GRB2: variants seen among roughly 807,000 people sequenced by gnomAD.
GRB2 encodes the protein growth factor receptor-bound protein 2.
In GRB2, 2 loss-of-function variants were observed where a neutral mutation model predicts 27.4. That is an observed-to-expected ratio of 0.07 (90% confidence interval 0.03 to 0.23). GRB2 has a LOEUF of 0.23. GRB2 is among the 10% of genes least tolerant of loss of function. The pLI, the probability that GRB2 is intolerant of heterozygous loss-of-function variation, is 1.00. For synonymous variants in GRB2, 94 were observed against 99.6 expected, an observed-to-expected ratio of 0.94 and a Z score of 0.33; for missense variants, 102 against 282.4, an observed-to-expected ratio of 0.36 and a Z score of 4.58.
chr17:75,357,047 C>T (rs1328594629), intron 2 of GRB2, among the ~76,000 whole-genome samples: 2 of 152,126 alleles, frequency 1.3e-5, no homozygotes, highest in East Asian at 1.9e-4. Context: ...TCATTCTGAT[C>T]CAGCCCTATC....
At chr17:75,388,373 G>A (rs982918453) in intron 2 of GRB2, among the ~76,000 whole-genome samples, 1 of 151,954 alleles carries the variant, frequency 6.6e-6, no homozygotes, top group South Asian at 2.1e-4. Context: ...CAAAGTGTTG[G>A]GATTCAGGCG....
At chr17:75,352,371 G>A (rs1216405388) in intron 2 of GRB2, among the ~76,000 whole-genome samples, 1 of 152,252 alleles carries the variant, frequency 6.6e-6, no homozygotes, top group Non-Finnish European at 1.5e-5. Flanking sequence ...AGAGAAGAGA[G>A]GGACTAAGAC....
At chr17:75,338,810 T>A in intron 2 of GRB2, 1 of 749,072 alleles carries the variant, frequency 1.3e-6, no homozygotes, top group Non-Finnish European at 2.4e-6. Flanking sequence ...CTTTCTGTGC[T>A]GATAGCACTC....
intron 2 of GRB2, among the ~76,000 whole-genome samples, chr17:75,340,964 A>G (rs996198391): frequency 2.0e-5 from 3 of 152,202 alleles, no homozygotes; most frequent in African/African-American, 7.2e-5. Context: ...CACAGAGAGA[A>G]CAGTTCTCAC....
intron 2 of GRB2, among the ~76,000 whole-genome samples, chr17:75,335,909 G>A (rs935942451): frequency 1.3e-5 from 2 of 152,128 alleles, no homozygotes; most frequent in African/African-American, 4.8e-5. Flanking sequence ...TAAAAACACT[G>A]CATTGTGCTG....
At chr17:75,389,113 TA>T (rs935432457) in intron 2 of GRB2, among the ~76,000 whole-genome samples, 1 of 152,142 alleles carries the variant, frequency 6.6e-6, no homozygotes, top group Non-Finnish European at 1.5e-5. Context: ...TCTTCATCGC[TA>T]AAAACCTTCC....
chr17:75,353,117 G>A (rs1487654888), intron 2 of GRB2, among the ~76,000 whole-genome samples: 2 of 150,856 alleles, frequency 1.3e-5, no homozygotes, highest in African/African-American at 4.9e-5. Context: ...CCCGGGAGGC[G>A]GAGCTTGCAG....
intron 2 of GRB2, among the ~76,000 whole-genome samples, chr17:75,389,706 C>T (rs1179289830): frequency 6.6e-6 from 1 of 152,010 alleles, no homozygotes; most frequent in African/African-American, 2.4e-5. Flanking sequence ...ATTAGCCGGG[C>T]GTGCTGGTGG....
At chr17:75,387,335 T>C (rs916906768) in intron 2 of GRB2, among the ~76,000 whole-genome samples, 1 of 151,690 alleles carries the variant, frequency 6.6e-6, no homozygotes, top group Non-Finnish European at 1.5e-5. Flanking sequence ...CACGTGCCTG[T>C]AGTCCCAGCT....
intron 1 of GRB2, chr17:75,394,214 G>C (rs2079016866): frequency 1.3e-5 from 2 of 154,548 alleles, no homozygotes. Context: ...ATCCTTTCTG[G>C]TCTTCTGAGA....
intron 1 of GRB2, chr17:75,405,192 C>G (rs2079091453): frequency 6.6e-6 from 1 of 152,330 alleles, no homozygotes; most frequent in African/African-American, 2.4e-5. Flanking sequence ...CTGGGCTTCC[C>G]GGGCCCCTTC....
chr17:75,400,156 C>T (rs1291610509), intron 1 of GRB2, among the ~76,000 whole-genome samples: 2 of 152,024 alleles, frequency 1.3e-5, no homozygotes, highest in Non-Finnish European at 1.5e-5. Context: ...TGCCACCACA[C>T]CTGGCTAATT....
intron 2 of GRB2, among the ~76,000 whole-genome samples, chr17:75,338,297 TC>T (rs1477623395): frequency 2.6e-5 from 4 of 151,872 alleles, no homozygotes; most frequent in African/African-American, 9.7e-5. Flanking sequence ...ACTCCTGGCC[TC>T]AGGTGATCTG....
chr17:75,355,818 T>TC (rs975947011), intron 2 of GRB2, among the ~76,000 whole-genome samples: 12 of 122,366 alleles, frequency 9.8e-5, no homozygotes, highest in African/African-American at 3.0e-4. Context: ...CCTTTCTTCT[T>TC]TTTTTTTTTT....
chr17:75,323,851 C>T (rs1184092804), intron 4 of GRB2, among the ~76,000 whole-genome samples: 1 of 151,616 alleles, frequency 6.6e-6, no homozygotes, highest in Non-Finnish European at 1.5e-5. Context: ...GCTCTTTCAC[C>T]CAGGCTGGAA....
At chr17:75,339,279 C>T (rs1490610808) in intron 2 of GRB2, 4 of 556,576 alleles carry the variant, frequency 7.2e-6, no homozygotes, top group African/African-American at 1.9e-5. Context: ...CTGCAAGCTC[C>T]GCCTCCTGGG....
At chr17:75,328,092 G>T (rs904059449) in intron 3 of GRB2, among the ~76,000 whole-genome samples, 8 of 152,168 alleles carry the variant, frequency 5.3e-5, no homozygotes, top group Non-Finnish European at 1.0e-4. Flanking sequence ...GGAGGCTGAG[G>T]TGGGGTGAAT....
intron 2 of GRB2, among the ~76,000 whole-genome samples, chr17:75,333,197 T>A (rs1040421361): frequency 1.3e-5 from 2 of 152,068 alleles, no homozygotes; most frequent in Non-Finnish European, 2.9e-5. Flanking sequence ...TGCCACAGCC[T>A]CCCGAGTAGC....
intron 2 of GRB2, among the ~76,000 whole-genome samples, chr17:75,391,625 G>A (rs2078999040): frequency 6.6e-6 from 1 of 152,030 alleles, no homozygotes; most frequent in African/African-American, 2.4e-5. Context: ...TGGCTAACAT[G>A]GTGAAATCCC....
Sources: allele counts gnomAD v4.1 joint callset (sites outside exome capture counted in the v4.1 genomes callset), GRCh38; gene constraint gnomAD v4.1.1; transcripts MANE v1.5; gene names NCBI Gene and HGNC (gene_info 2026-07-23, HGNC 2026-07-21).